GABBR2: variants seen among roughly 807,000 people sequenced by gnomAD.
GABBR2 encodes G-protein coupled receptor 51.
A neutral mutation model predicts 105.6 loss-of-function variants in GABBR2; 23 were observed. The observed-to-expected ratio is 0.22, with a 90% CI of 0.16 to 0.31. The LOEUF (loss-of-function observed/expected upper bound fraction) is 0.31. GABBR2 is among the 10% of genes least tolerant of loss of function. GABBR2 has a pLI of 1.00. For missense variants in GABBR2, 734 were observed against 1,245.5 expected, an observed-to-expected ratio of 0.59 and a Z score of 6.18; for synonymous variants, 478 against 499.7, an observed-to-expected ratio of 0.96 and a Z score of 0.58.
At chr9:98,639,721 C>A (rs1829933458) in intron 1 of GABBR2, among the ~76,000 whole-genome samples, 1 of 152,110 alleles carries the variant, frequency 6.6e-6, no homozygotes, top group Non-Finnish European at 1.5e-5. Context: ...AAGCCTGTTC[C>A]CAGAGATCCA....
chr9:98,372,868 C>T (rs1388640464), intron 11 of GABBR2, among the ~76,000 whole-genome samples: 2 of 152,214 alleles, frequency 1.3e-5, no homozygotes, highest in Non-Finnish European at 2.9e-5. Flanking sequence ...GGAAGGACAA[C>T]AGTATCACAG....
At chr9:98,574,990 CTG>C (rs556015510) in intron 2 of GABBR2, among the ~76,000 whole-genome samples, 23 of 152,282 alleles carry the variant, frequency 1.5e-4, no homozygotes, top group African/African-American at 5.3e-4. Context: ...CTAATGAAGA[CTG>C]TGAAATGATA....
At chr9:98,648,112 T>TAGATAGATAGATA (rs1290908248) in intron 1 of GABBR2, among the ~76,000 whole-genome samples, 14 of 49,828 alleles carry the variant, frequency 2.8e-4, no homozygotes, top group African/African-American at 9.2e-4. Context: ...TGTGTGTGTG[T>TAGATAGATAGATA]GTGTATAGAT....
chr9:98,358,055 C>T (rs184874271), intron 13 of GABBR2, among the ~76,000 whole-genome samples: 1 of 152,206 alleles, frequency 6.6e-6, no homozygotes, highest in African/African-American at 2.4e-5. Flanking sequence ...TTCATTCCCA[C>T]AGCTGTATAG....
At chr9:98,351,172 T>TA (rs1831393100) in intron 13 of GABBR2, among the ~76,000 whole-genome samples, 1 of 85,354 alleles carries the variant, frequency 1.2e-5, no homozygotes, top group East Asian at 2.8e-4. Flanking sequence ...AGTTGGCTTT[T>TA]TAAAAAAAAT....
intron 17 of GABBR2, among the ~76,000 whole-genome samples, chr9:98,298,046 A>AAT (rs1390327092): frequency 2.0e-5 from 3 of 151,668 alleles, no homozygotes; most frequent in African/African-American, 4.9e-5. Flanking sequence ...CATCTTAAAA[A>AAT]AAAAAAAAAA....
chr9:98,413,625 A>G (rs1021460241), intron 7 of GABBR2, among the ~76,000 whole-genome samples: 5 of 152,350 alleles, frequency 3.3e-5, no homozygotes, highest in South Asian at 4.1e-4. Flanking sequence ...AAGGAGCAGA[A>G]TGGGAGGTGG....
At chr9:98,320,833 T>TG (rs1387437724) in intron 13 of GABBR2, among the ~76,000 whole-genome samples, 1 of 20,524 alleles carries the variant, frequency 4.9e-5, no homozygotes, top group Non-Finnish European at 9.2e-5. Flanking sequence ...TGTTGTGGTG[T>TG]GGGGGGAGGG....
At chr9:98,364,749 T>C (rs1588123535) in intron 12 of GABBR2, among the ~76,000 whole-genome samples, 1 of 152,142 alleles carries the variant, frequency 6.6e-6, no homozygotes, top group East Asian at 1.9e-4. Context: ...TACAGGCATG[T>C]GCCACTACAC....
intron 3 of GABBR2, among the ~76,000 whole-genome samples, chr9:98,516,730 AGGCTT>A (rs1284856450): frequency 6.6e-6 from 1 of 152,126 alleles, no homozygotes; most frequent in African/African-American, 2.4e-5. Context: ...ACCCAGCACA[AGGCTT>A]GGCACAGAGC....
intron 3 of GABBR2, among the ~76,000 whole-genome samples, chr9:98,515,754 G>T (rs1168812256): frequency 6.7e-6 from 1 of 149,496 alleles, no homozygotes; most frequent in African/African-American, 2.4e-5. Flanking sequence ...GGCCACAGGC[G>T]ACACACCAGG....
chr9:98,338,685 T>TA (rs1433608600), intron 13 of GABBR2, among the ~76,000 whole-genome samples: 2 of 152,190 alleles, frequency 1.3e-5, no homozygotes, highest in African/African-American at 4.8e-5. Flanking sequence ...GGTGGGAATG[T>TA]AAAATGGTGC....
chr9:98,671,805 T>C (rs944429418), intron 1 of GABBR2, among the ~76,000 whole-genome samples: 3 of 152,334 alleles, frequency 2.0e-5, no homozygotes, highest in Middle Eastern at 6.8e-3. Flanking sequence ...ATAAAGAATT[T>C]GAGGACAGCA....
At chr9:98,336,808 A>C (rs1260174569) in intron 13 of GABBR2, among the ~76,000 whole-genome samples, 1 of 124,584 alleles carries the variant, frequency 8.0e-6, no homozygotes, top group Non-Finnish European at 1.8e-5. Flanking sequence ...GATTGGCAGA[A>C]TGAATTAAAA....
intron 3 of GABBR2, among the ~76,000 whole-genome samples, chr9:98,506,921 G>A (rs1429476355): frequency 6.6e-6 from 1 of 152,152 alleles, no homozygotes; most frequent in East Asian, 1.9e-4. Flanking sequence ...AAGTCCTCCA[G>A]AGGGAGGGCA....
chr9:98,685,590 TAG>T lies in GABBR2; in HGVS notation c.321+22825_321+22826del, dbSNP rs150197079. Reference sequence around the variant, plus strand: ...TTCTTTCAGATGTCTATCTCCCCACTAGAATATCAGCTCCAAATGGGCAGGTC... The same window carrying T: ...TTCTTTCAGATGTCTATCTCCCCACTAATATCAGCTCCAAATGGGCAGGTC... On this transcript the variant is annotated intron_variant, in intron 1 of 18. Transcript: ENST00000259455. 1.2e-3 allele frequency among the ~76,000 whole-genome samples: 187 copies of T among 152,366 alleles called. 1 individual carries two copies. Among genetic ancestry groups the T allele is most frequent in the African/African-American group, 4.2e-3 (174 of 41,588 alleles).
rs376406235 is a variant in GABBR2, at chr9:98,592,971, TTTTAG to T, written c.322-14904_322-14900del. ...CCCTTTGTTTTGTTTTACCACTTTA[TTTTAG>T]TTATTTATTTTTTCTTTTTTGAAGA... On this transcript the variant is annotated intron_variant, in intron 1 of 18. Coordinates refer to ENST00000259455, the MANE Select transcript of GABBR2 (RefSeq NM_005458.8). 4.9e-3 allele frequency among the ~76,000 whole-genome samples: 740 copies of T among 152,240 alleles called. 4 individuals are homozygous for T. The highest frequency in any genetic ancestry group is 0.017 in the African/African-American group (686 of 41,532).
At chr9:98,530,215 TA>T (rs1179410204) in intron 3 of GABBR2, among the ~76,000 whole-genome samples, 1 of 152,070 alleles carries the variant, frequency 6.6e-6, no homozygotes, top group Admixed American at 6.6e-5. Flanking sequence ...CTTGAGAAAA[TA>T]ATAAAAATTA....
chr9:98,503,634 C>T (rs1160178565), intron 3 of GABBR2, among the ~76,000 whole-genome samples: 1 of 152,074 alleles, frequency 6.6e-6, no homozygotes, highest in African/African-American at 2.4e-5. Context: ...CTGTATTAGT[C>T]ATCTACTGCT....
Sources: allele counts gnomAD v4.1 joint callset (sites outside exome capture counted in the v4.1 genomes callset), GRCh38; gene constraint gnomAD v4.1.1; transcripts MANE v1.5; gene names NCBI Gene and HGNC (gene_info 2026-07-23, HGNC 2026-07-21).